The following CPLX2 variants were observed in gnomAD, a reference collection of about 807,000 sequenced individuals.
CPLX2 encodes the protein complexin-2.
In CPLX2, 5 loss-of-function variants were observed where a neutral mutation model predicts 16.3. That is an observed-to-expected ratio of 0.31 (90% CI 0.16 to 0.64). The LOEUF is 0.64. Ranked by LOEUF, CPLX2 falls within the 30% of genes least tolerant of loss-of-function variation. The pLI is 0.79. For synonymous variants in CPLX2, 89 were observed against 73.2 expected (o/e 1.22, Z -1.10); for missense variants, 144 against 181.4 (o/e 0.79, Z 1.18).
chr5:175,853,060 G>A (rs1261822205), intron 2 of CPLX2, among the ~76,000 whole-genome samples: 2 of 152,214 alleles, frequency 1.3e-5, no homozygotes, highest in African/African-American at 4.8e-5. Flanking sequence ...GACAGTACAC[G>A]GGTTTCCTTT....
At chr5:175,801,709 A>G (rs1057410488) in intron 1 of CPLX2, among the ~76,000 whole-genome samples, 7 of 152,390 alleles carry the variant, frequency 4.6e-5, no homozygotes, top group Middle Eastern at 3.4e-3. Flanking sequence ...GCACTCAGAC[A>G]TTCCTGGCAC....
chr5:175,858,800 C>A (rs970599951), intron 2 of CPLX2, among the ~76,000 whole-genome samples: 7 of 152,214 alleles, frequency 4.6e-5, no homozygotes, highest in African/African-American at 1.7e-4. Flanking sequence ...CCTGCCAGTA[C>A]CTCTTTGATA....
At chr5:175,826,896 T>C (rs1323718050) in intron 2 of CPLX2, among the ~76,000 whole-genome samples, 1 of 152,128 alleles carries the variant, frequency 6.6e-6, no homozygotes, top group East Asian at 1.9e-4. Flanking sequence ...ATGTGTTTGG[T>C]GTGTGTAATG....
At chr5:175,828,636 C>T (rs1285317369) in intron 2 of CPLX2, among the ~76,000 whole-genome samples, 1 of 152,238 alleles carries the variant, frequency 6.6e-6, no homozygotes, top group East Asian at 1.9e-4. Flanking sequence ...TGAGTTTTGG[C>T]TCAAACACTA....
chr5:175,839,421 G>A (rs578226571), intron 2 of CPLX2, among the ~76,000 whole-genome samples: 15 of 152,206 alleles, frequency 9.9e-5, no homozygotes, highest in Admixed American at 3.3e-4. Flanking sequence ...AAGTAGCTGG[G>A]ATTACGGGCA....
intron 2 of CPLX2, 56 bp downstream of exon 2, chr5:175,878,826 G>T (rs1755480236): frequency 6.2e-7 from 1 of 1,609,192 alleles, no homozygotes; most frequent in Non-Finnish European, 8.5e-7. Flanking sequence ...TGTGGGAGGT[G>T]GCCTCGGCCC....
intron 2 of CPLX2, among the ~76,000 whole-genome samples, chr5:175,835,703 TTTTA>T (rs139896610): frequency 0.28 from 40,768 of 144,332 alleles, 6,923 homozygotes; most frequent in Middle Eastern, 0.41. Context: ...TGTAAGTGGT[TTTTA>T]TTTATTTATT....
At chr5:175,858,528 G>A (rs991143465) in intron 2 of CPLX2, among the ~76,000 whole-genome samples, 5 of 152,212 alleles carry the variant, frequency 3.3e-5, no homozygotes, top group African/African-American at 1.2e-4. Flanking sequence ...CTCAGCCCCC[G>A]GGGGCCAGTG....
At chr5:175,863,489 T>C (rs899544082) in intron 2 of CPLX2, among the ~76,000 whole-genome samples, 2 of 152,214 alleles carry the variant, frequency 1.3e-5, no homozygotes, top group Non-Finnish European at 2.9e-5. Flanking sequence ...GAGATAATGA[T>C]ATTTAAGGTA....
At chr5:175,812,010 G>T (rs1442184367) in intron 2 of CPLX2, among the ~76,000 whole-genome samples, 4 of 152,246 alleles carry the variant, frequency 2.6e-5, no homozygotes, top group Non-Finnish European at 5.9e-5. Context: ...GAGAAGACAG[G>T]GTGAGGCTGG....
intron 2 of CPLX2, among the ~76,000 whole-genome samples, chr5:175,850,411 G>C (rs1221612959): frequency 6.6e-6 from 1 of 152,206 alleles, no homozygotes; most frequent in African/African-American, 2.4e-5. Flanking sequence ...AGCCTCCAGA[G>C]GTTCCTTTCG....
chr5:175,829,271 G>T (rs921310153), intron 2 of CPLX2, among the ~76,000 whole-genome samples: 4 of 152,238 alleles, frequency 2.6e-5, no homozygotes, highest in Admixed American at 6.5e-5. Flanking sequence ...GCGGCTCAGC[G>T]AGGCCAGCAA....
At chr5:175,818,308 C>T (rs756043950) in intron 2 of CPLX2, among the ~76,000 whole-genome samples, 6 of 152,086 alleles carry the variant, frequency 3.9e-5, no homozygotes, top group Admixed American at 6.6e-5. Context: ...GGAAAACCCA[C>T]CCCTTTCTCT....
intron 2 of CPLX2, among the ~76,000 whole-genome samples, chr5:175,815,089 G>A (rs1206327422): frequency 6.6e-6 from 1 of 152,194 alleles, no homozygotes. Flanking sequence ...ACGAGGCACT[G>A]TGGTCTCCTA....
At chr5:175,851,881 G>A (rs1759163319) in intron 2 of CPLX2, among the ~76,000 whole-genome samples, 1 of 152,228 alleles carries the variant, frequency 6.6e-6, no homozygotes. Flanking sequence ...AGAGGCAGAT[G>A]TATTTTGACA....
At position 175,882,464 on chromosome 5, in the gene CPLX2, G is replaced by A. The variant is rs1055615720; in HGVS notation, c.*2419G>A. ...CCAGATAGGTAGCAGAGACCAAGGCGCAGGGTGCTTCAGATGAGCAAGAGA... is the reference window on the plus strand; with the variant it reads ...CCAGATAGGTAGCAGAGACCAAGGCACAGGGTGCTTCAGATGAGCAAGAGA... On this transcript the variant is annotated 3_prime_UTR_variant, in exon 4 of 4. Coordinates refer to ENST00000393745, the MANE Select transcript of CPLX2 (RefSeq NM_001008220.2). 6.5e-6 allele frequency: 1 copy of A among 152,858 alleles called. No homozygotes were observed. The allele number at this position is 152,858 out of a possible 1,614,324, so 9.5% of individuals were successfully genotyped here. A position where few individuals can be genotyped will look rare whatever the true frequency, so the allele number is the denominator to read the frequency against.
At chr5:175,797,063 GGGCGGGCTC>G (rs1757995553) in intron 1 of CPLX2, among the ~76,000 whole-genome samples, 1 of 152,180 alleles carries the variant, frequency 6.6e-6, no homozygotes, top group South Asian at 2.1e-4. Flanking sequence ...AGCGGCGGCC[GGGCGGGCTC>G]CTCCGCACCC....
At chr5:175,852,356 T>A (rs970488263) in intron 2 of CPLX2, among the ~76,000 whole-genome samples, 1 of 152,120 alleles carries the variant, frequency 6.6e-6, no homozygotes, top group African/African-American at 2.4e-5. Context: ...TCTGGAGGGA[T>A]GGAGGAGAGA....
At chr5:175,797,463 G>A (rs1758010263) in intron 1 of CPLX2, among the ~76,000 whole-genome samples, 1 of 152,170 alleles carries the variant, frequency 6.6e-6, no homozygotes, top group Admixed American at 6.5e-5. Flanking sequence ...CTGAGGTCCC[G>A]GCGGGGAGGA....
Sources: gnomAD v4.1 joint callset for allele counts (sites outside exome capture counted in the v4.1 genomes callset) on GRCh38, gnomAD v4.1.1 for gene constraint, MANE v1.5 for transcripts, NCBI Gene and HGNC (gene_info 2026-07-23, HGNC 2026-07-21) for gene names.